BEND7: variants seen among roughly 807,000 people sequenced by gnomAD.
The protein encoded by BEND7 is BEN domain-containing protein 7.
BEND7 carries 28 observed loss-of-function variants against 50.9 expected under a neutral mutation model. The observed-to-expected ratio is 0.55, with a 90% CI of 0.41 to 0.75. The LOEUF is 0.75. BEND7 is among the 30% of genes least tolerant of loss of function. The pLI is 0.00. For synonymous variants in BEND7, 170 were observed against 183.9 expected (o/e 0.92, Z 0.61); for missense variants, 477 against 491.3 (o/e 0.97, Z 0.28).
chr10:13,473,677 T>C (rs1248009882), intron 6 of BEND7, among the ~76,000 whole-genome samples: 1 of 151,384 alleles, frequency 6.6e-6, no homozygotes, highest in Non-Finnish European at 1.5e-5. Flanking sequence ...TCATCGCTGT[T>C]GGACTCGGGG....
intron 2 of BEND7, among the ~76,000 whole-genome samples, chr10:13,512,423 G>GA (rs2078343395): frequency 6.6e-6 from 1 of 152,306 alleles, no homozygotes; most frequent in East Asian, 1.9e-4. Flanking sequence ...ATACACCTAG[G>GA]AAAAATAGAA....
chr10:13,496,108 T>C (rs1050410700), intron 4 of BEND7, among the ~76,000 whole-genome samples: 2 of 152,318 alleles, frequency 1.3e-5, no homozygotes, highest in South Asian at 4.1e-4. Context: ...CCTTATAAAG[T>C]TCATTGACAG....
upstream of BEND7, among the ~76,000 whole-genome samples, chr10:13,529,357 C>A (rs939878002): frequency 6.6e-6 from 1 of 151,972 alleles, no homozygotes; most frequent in African/African-American, 2.4e-5. Context: ...ACAACCACCT[C>A]CCCGCCCTCA....
intron 5 of BEND7, among the ~76,000 whole-genome samples, chr10:13,491,595 G>A (rs1023433633): frequency 4.7e-5 from 7 of 148,860 alleles, no homozygotes; most frequent in Non-Finnish European, 7.4e-5. Flanking sequence ...CTTTAACACC[G>A]AGAATTAGGT....
rs926010465 is a variant in BEND7, at chr10:13,449,628, A to G, written c.1184-2312T>C. ...TTCTAGTTCATTTTATATTTTGGCA[A>G]CTTTCTTTACATGTATAATTGCTTT... On this transcript the variant is annotated intron_variant, in intron 7 of 8. Transcript: ENST00000466271. 7.2e-5 allele frequency among the ~76,000 whole-genome samples: 11 copies of G among 152,316 alleles called. No homozygotes were observed. In the South Asian group the frequency reaches 1.2e-3, roughly 17 times the overall value.
intron 6 of BEND7, among the ~76,000 whole-genome samples, chr10:13,471,509 G>A (rs1442514832): frequency 1.3e-5 from 2 of 152,224 alleles, no homozygotes; most frequent in African/African-American, 2.4e-5. Context: ...AAGGTTGTAA[G>A]GAAAATGAAA....
chr10:13,514,280 C>T (rs560283409), intron 2 of BEND7, among the ~76,000 whole-genome samples: 4 of 152,236 alleles, frequency 2.6e-5, no homozygotes, highest in Admixed American at 1.3e-4. Context: ...ACAGATATGA[C>T]GAGAAGATAC....
chr10:13,470,860 G>A lies in BEND7; in HGVS notation c.1063+10039C>T, dbSNP rs559356208. On this transcript the variant is annotated intron_variant, in intron 6 of 8. Transcript: ENST00000466271. ...TGGCATTATATTCATGAAGTCAAAT[G>A]TGTTAAGGTAAACAAGTTGCTGAGG... 1.2e-4 allele frequency among the ~76,000 whole-genome samples: 18 copies of A among 152,326 alleles called. 1 individual carries two copies. In the South Asian group the frequency reaches 3.7e-3, roughly 32 times the overall value.
intron 6 of BEND7, among the ~76,000 whole-genome samples, chr10:13,478,110 GA>G (rs1467800470): frequency 6.6e-6 from 1 of 152,146 alleles, no homozygotes; most frequent in Non-Finnish European, 1.5e-5. Context: ...TTAGGGGAGA[GA>G]AAATGGTTTT....
chr10:13,528,525 G>A lies in BEND7; in HGVS notation c.9C>T (p.Phe3=). The A allele has an allele frequency of 9.6e-7, 1 of 1,036,452 alleles. No homozygotes were observed. Among genetic ancestry groups the A allele is most frequent in the Middle Eastern group, 4.7e-4 (1 of 2,146 alleles). The allele number at this position is 1,036,452 out of a possible 1,614,324, so 64.2% of individuals were successfully genotyped here. A position where few individuals can be genotyped will look rare whatever the true frequency, so the allele number is the denominator to read the frequency against. The part of the protein sequence containing the change: ME[F]SERKRSRKSQ... Reference sequence around the variant, plus strand: ...ATTTCCTGCTTCTTTTCCTCTCGGAGAACTCCATGGTGCGGGGAAGGCGGC... The same window carrying A: ...ATTTCCTGCTTCTTTTCCTCTCGGAAAACTCCATGGTGCGGGGAAGGCGGC... Residue 3 remains phenylalanine (F), a synonymous_variant, in exon 1 of 9, where the codon TTC becomes TTT. Transcript: ENST00000466271.
chr10:13,487,815 G>A (rs539196535), intron 5 of BEND7, among the ~76,000 whole-genome samples: 9 of 152,116 alleles, frequency 5.9e-5, no homozygotes, highest in Non-Finnish European at 1.0e-4. Context: ...TTTCAAGGCC[G>A]GGCATGGTGG....
At chr10:13,509,161 G>C (rs958697084) in intron 2 of BEND7, among the ~76,000 whole-genome samples, 1 of 152,240 alleles carries the variant, frequency 6.6e-6, no homozygotes, top group East Asian at 1.9e-4. Flanking sequence ...AGCCAAAGGA[G>C]AGTAAGTATC....
At chr10:13,487,222 A>G (rs961933598) in intron 5 of BEND7, among the ~76,000 whole-genome samples, 9 of 152,086 alleles carry the variant, frequency 5.9e-5, no homozygotes, top group Non-Finnish European at 7.4e-5. Flanking sequence ...GGCTACTATT[A>G]TTATCCCCAG....
intron 6 of BEND7, among the ~76,000 whole-genome samples, chr10:13,472,159 A>G (rs1054590648): frequency 1.3e-5 from 2 of 151,824 alleles, no homozygotes; most frequent in African/African-American, 2.4e-5. Context: ...CGGGGTTGAT[A>G]CTCGTCATCG....
intron 5 of BEND7, among the ~76,000 whole-genome samples, chr10:13,488,427 T>C (rs1240824360): frequency 2.4e-4 from 37 of 152,290 alleles, no homozygotes; most frequent in Non-Finnish European, 2.9e-5. Flanking sequence ...AACTGTCTTC[T>C]CTCAGTATTG....
At chr10:13,468,454 T>C (rs191962310) in intron 6 of BEND7, among the ~76,000 whole-genome samples, 1 of 152,198 alleles carries the variant, frequency 6.6e-6, no homozygotes, top group Non-Finnish European at 1.5e-5. Flanking sequence ...CCGGGAAATA[T>C]GTTCACAAGG....
chr10:13,457,695 A>T (rs868051971), intron 6 of BEND7, among the ~76,000 whole-genome samples: 1 of 152,246 alleles, frequency 6.6e-6, no homozygotes, highest in Non-Finnish European at 1.5e-5. Flanking sequence ...ATCTGCAAAC[A>T]GTCAATATGC....
chr10:13,495,335 T>C (rs1383973322), intron 4 of BEND7, among the ~76,000 whole-genome samples: 1 of 152,226 alleles, frequency 6.6e-6, no homozygotes, highest in East Asian at 1.9e-4. Context: ...AGCAAAATAC[T>C]TCCTTGGGGT....
chr10:13,485,929 T>C (rs1277079692), intron 5 of BEND7, among the ~76,000 whole-genome samples: 2 of 152,198 alleles, frequency 1.3e-5, no homozygotes, highest in Admixed American at 6.5e-5. Flanking sequence ...GTGCCCAAAC[T>C]GGGGTACAGT....
Sources: allele counts gnomAD v4.1 joint callset (sites outside exome capture counted in the v4.1 genomes callset), GRCh38; gene constraint gnomAD v4.1.1; transcripts MANE v1.5; gene names NCBI Gene and HGNC (gene_info 2026-07-23, HGNC 2026-07-21).